The following DLGAP2 variants were observed in gnomAD, a reference collection of about 807,000 sequenced individuals.
The protein encoded by DLGAP2 is DLG associated protein 2.
A neutral mutation model predicts 100.3 loss-of-function variants in DLGAP2; 26 were observed. The observed-to-expected ratio is 0.26, with a 90% CI of 0.19 to 0.36. The LOEUF (loss-of-function observed/expected upper bound fraction) is 0.36. DLGAP2 is among the 10% of genes least tolerant of loss of function. The pLI is 1.00. For synonymous variants in DLGAP2, 886 were observed against 630.1 expected, an observed-to-expected ratio of 1.41 and a Z score of -6.08; for missense variants, 1,858 against 1,453.2, an observed-to-expected ratio of 1.28 and a Z score of -4.53.
intron 8 of DLGAP2, among the ~76,000 whole-genome samples, chr8:1,641,968 AC>A (rs1402567162): frequency 4.3e-5 from 3 of 70,392 alleles, no homozygotes; most frequent in East Asian, 3.9e-4. Flanking sequence ...GTCACCCTCG[AC>A]CCCGCCGGTC....
intron 2 of DLGAP2, among the ~76,000 whole-genome samples, chr8:1,200,361 A>T (rs148131748): frequency 6.6e-6 from 1 of 152,178 alleles, no homozygotes; most frequent in Non-Finnish European, 1.5e-5. Context: ...TCATCTTCAG[A>T]GCTTGTTAAA....
At chr8:1,256,789 C>G (rs1799231984) in intron 2 of DLGAP2, among the ~76,000 whole-genome samples, 1 of 152,158 alleles carries the variant, frequency 6.6e-6, no homozygotes, top group Non-Finnish European at 1.5e-5. Flanking sequence ...TCAACTAAAC[C>G]TGAGGGTCTG....
At chr8:980,686 A>G (rs1800305910) in intron 2 of DLGAP2, among the ~76,000 whole-genome samples, 1 of 152,014 alleles carries the variant, frequency 6.6e-6, no homozygotes, top group Admixed American at 6.6e-5. Flanking sequence ...GGAAGGAGAG[A>G]CTCCAGCAGG....
intron 2 of DLGAP2, among the ~76,000 whole-genome samples, chr8:915,690 A>T (rs1324916520): frequency 6.6e-6 from 1 of 152,086 alleles, no homozygotes; most frequent in Non-Finnish European, 1.5e-5. Flanking sequence ...AAAATGAAAC[A>T]AATGTGTGGT....
intron 3 of DLGAP2, among the ~76,000 whole-genome samples, chr8:1,374,919 A>C (rs1433960298): frequency 6.6e-6 from 1 of 152,150 alleles, no homozygotes; most frequent in African/African-American, 2.4e-5. Context: ...TCCCAAGCCC[A>C]ATACGACAGC....
intron 3 of DLGAP2, among the ~76,000 whole-genome samples, chr8:1,341,947 G>C (rs6558452): frequency 0.42 from 63,905 of 151,954 alleles, 15,805 homozygotes; most frequent in African/African-American, 0.69. Flanking sequence ...GTTTTGATTT[G>C]TTTTGCTTTG....
chr8:1,103,765 C>T (rs945476482), intron 2 of DLGAP2, among the ~76,000 whole-genome samples: 1 of 145,482 alleles, frequency 6.9e-6, no homozygotes, highest in African/African-American at 2.6e-5. Context: ...ACTGGCGGGG[C>T]CTTGGTTGAC....
chr8:1,194,618 G>T (rs1797710806), intron 2 of DLGAP2, among the ~76,000 whole-genome samples: 1 of 152,204 alleles, frequency 6.6e-6, no homozygotes, highest in South Asian at 2.1e-4. Flanking sequence ...GGAAGATTCT[G>T]GAAGCCGAGT....
intron 1 of DLGAP2, among the ~76,000 whole-genome samples, chr8:901,749 C>T (rs572926887): frequency 6.6e-6 from 1 of 152,364 alleles, no homozygotes; most frequent in East Asian, 1.9e-4. Flanking sequence ...TGCCCCATTG[C>T]TGTGGCAGCG....
At chr8:953,764 G>C (rs761816642) in intron 2 of DLGAP2, among the ~76,000 whole-genome samples, 3 of 152,170 alleles carry the variant, frequency 2.0e-5, no homozygotes, top group Admixed American at 6.5e-5. Context: ...CGCTGTCACA[G>C]TGAAATTGAG....
At chr8:1,580,943 C>G (rs1393168782) in intron 6 of DLGAP2, among the ~76,000 whole-genome samples, 7 of 147,216 alleles carry the variant, frequency 4.8e-5, no homozygotes, top group Admixed American at 4.1e-4. Context: ...AGTATACAGA[C>G]AAAACCCTGC....
intron 2 of DLGAP2, among the ~76,000 whole-genome samples, chr8:1,101,117 T>C (rs1804564595): frequency 6.6e-6 from 1 of 152,216 alleles, no homozygotes; most frequent in African/African-American, 2.4e-5. Context: ...ACTCTGATGT[T>C]AGCAATTTGA....
chr8:1,393,994 A>T (rs1374744324), intron 3 of DLGAP2, among the ~76,000 whole-genome samples: 3 of 1,046 alleles, frequency 2.9e-3, no homozygotes. Flanking sequence ...CTCGTCCTCC[A>T]GAGTCGTGTA....
chr8:745,886 T>A (rs1820605171), intron 1 of DLGAP2, among the ~76,000 whole-genome samples: 1 of 152,212 alleles, frequency 6.6e-6, no homozygotes, highest in Non-Finnish European at 1.5e-5. Context: ...ACTGGAAGGA[T>A]ACCGACTCCA....
In DLGAP2 at chr8:1,445,846, A is replaced by G. The variant is rs549247787; in HGVS notation, c.107-55520A>G. On this transcript the variant is annotated intron_variant, in intron 3 of 14. Transcript: ENST00000637795. Reference sequence around the variant, plus strand: ...TGCATTTCTCTGATGGCCAGTGATGATGAGCATATTTTCATGTGGTTTTTG... The same window carrying G: ...TGCATTTCTCTGATGGCCAGTGATGGTGAGCATATTTTCATGTGGTTTTTG... 1.6e-3 allele frequency among the ~76,000 whole-genome samples: 239 copies of G among 152,326 alleles called. 1 individual carries two copies. Among genetic ancestry groups the G allele is most frequent in the African/African-American group, 5.1e-3 (213 of 41,580 alleles).
chr8:1,095,496 G>A (rs115960632), intron 2 of DLGAP2, among the ~76,000 whole-genome samples: 1,924 of 152,286 alleles, frequency 0.013, 37 homozygotes, highest in African/African-American at 0.044. Flanking sequence ...GTGATTCAGA[G>A]TCTACTTCCT....
At chr8:834,571 G>A (rs1453474815) in intron 1 of DLGAP2, among the ~76,000 whole-genome samples, 2 of 152,136 alleles carry the variant, frequency 1.3e-5, no homozygotes, top group Non-Finnish European at 2.9e-5. Flanking sequence ...TTTTAAGAGT[G>A]GTTAGATCTT....
At chr8:1,409,013 A>C (rs1261537104) in intron 3 of DLGAP2, among the ~76,000 whole-genome samples, 1 of 152,202 alleles carries the variant, frequency 6.6e-6, no homozygotes, top group Admixed American at 6.5e-5. Flanking sequence ...ACCTATGAAA[A>C]AGACAGCAGC....
chr8:1,653,512 G>GAAC (rs1798214638), intron 8 of DLGAP2, among the ~76,000 whole-genome samples: 1 of 152,220 alleles, frequency 6.6e-6, no homozygotes, highest in Admixed American at 6.5e-5. Context: ...ATCCACATAG[G>GAAC]CTCTGGAGGT....
Sources: allele counts gnomAD v4.1 joint callset (sites outside exome capture counted in the v4.1 genomes callset), GRCh38; gene constraint gnomAD v4.1.1; transcripts MANE v1.5; gene names NCBI Gene and HGNC (gene_info 2026-07-23, HGNC 2026-07-21).